ALDH1A2: variants seen among roughly 807,000 people sequenced by gnomAD.
ALDH1A2 encodes the protein aldehyde dehydrogenase 1 family member A2, also known as retinal dehydrogenase 2.
Under a neutral mutation model 60.3 loss-of-function variants are expected in ALDH1A2, and 27 were observed. The ratio of observed to expected loss-of-function variants is 0.45; its 90% CI spans 0.33 to 0.62. The LOEUF is 0.62. ALDH1A2 is among the 20% of genes least tolerant of loss of function. ALDH1A2 has a pLI of 0.02. For synonymous variants in ALDH1A2, 289 were observed against 232.4 expected, an observed-to-expected ratio of 1.24 and a Z score of -2.21; for missense variants, 581 against 643.8, an observed-to-expected ratio of 0.90 and a Z score of 1.06.
At chr15:57,956,659 C>A (rs1389899429) in intron 12 of ALDH1A2, among the ~76,000 whole-genome samples, 1 of 152,210 alleles carries the variant, frequency 6.6e-6, no homozygotes, top group East Asian at 1.9e-4. Flanking sequence ...CTCATTAACT[C>A]CACTCAGTCT....
chr15:58,029,571 A>G (rs1192115917), intron 1 of ALDH1A2, among the ~76,000 whole-genome samples: 2 of 112,430 alleles, frequency 1.8e-5, no homozygotes, highest in Non-Finnish European at 3.8e-5. Context: ...AGATAGAGAC[A>G]TAAAAATCCC....
intron 4 of ALDH1A2, among the ~76,000 whole-genome samples, chr15:57,997,444 A>G (rs895721470): frequency 5.3e-5 from 8 of 151,998 alleles, no homozygotes; most frequent in African/African-American, 1.7e-4. Flanking sequence ...AGAATCAGAG[A>G]GTAATGTCAA....
At chr15:58,048,228 G>A (rs1896681594) in intron 1 of ALDH1A2, among the ~76,000 whole-genome samples, 1 of 152,074 alleles carries the variant, frequency 6.6e-6, no homozygotes, top group Non-Finnish European at 1.5e-5. Flanking sequence ...CTAATAGAAA[G>A]TGATTGTGCC....
At chr15:57,956,239 C>T (rs1362443545) in intron 12 of ALDH1A2, among the ~76,000 whole-genome samples, 4 of 152,154 alleles carry the variant, frequency 2.6e-5, no homozygotes, top group South Asian at 2.1e-4. Flanking sequence ...GGAGGAAGGG[C>T]GAGCTTCCTA....
intron 1 of ALDH1A2, among the ~76,000 whole-genome samples, chr15:58,061,347 T>C (rs1897027832): frequency 1.3e-5 from 2 of 151,612 alleles, no homozygotes; most frequent in South Asian, 2.1e-4. Context: ...AAACAGACAA[T>C]CTTAAGTAAA....
intron 7 of ALDH1A2, chr15:57,980,365 A>G (rs1006646108): frequency 2.6e-6 from 1 of 380,944 alleles, no homozygotes; most frequent in Non-Finnish European, 5.3e-6. Context: ...AGCTGACTAC[A>G]GCCTTGATGA....
At chr15:58,033,061 A>T (rs762746608) in intron 1 of ALDH1A2, among the ~76,000 whole-genome samples, 1 of 151,994 alleles carries the variant, frequency 6.6e-6, no homozygotes, top group East Asian at 1.9e-4. Context: ...AGGTTAAAGG[A>T]TACCTATAGT....
intron 7 of ALDH1A2, among the ~76,000 whole-genome samples, chr15:57,977,454 T>C (rs1894302751): frequency 6.6e-6 from 1 of 152,244 alleles, no homozygotes; most frequent in South Asian, 2.1e-4. Flanking sequence ...TACTGTTTTC[T>C]GGATATGGCT....
chr15:58,040,485 A>C (rs1371703827), intron 1 of ALDH1A2, among the ~76,000 whole-genome samples: 1 of 151,844 alleles, frequency 6.6e-6, no homozygotes, highest in Non-Finnish European at 1.5e-5. Flanking sequence ...GTGAACTTTC[A>C]CCATTTCATT....
chr15:57,957,228 G>A (rs572607522), intron 12 of ALDH1A2, among the ~76,000 whole-genome samples: 107 of 152,242 alleles, frequency 7.0e-4, no homozygotes, highest in African/African-American at 2.5e-3. Context: ...CTGAGTCACT[G>A]TCATCCTCTT....
Position 57,970,505 on chromosome 15 carries a change from T to C in ALDH1A2, c.799-4678A>G, listed in dbSNP as rs531946672. 9.2e-5 allele frequency among the ~76,000 whole-genome samples: 14 copies of C among 152,308 alleles called. No individual in the cohort carries two copies. The South Asian group carries it at 2.9e-3, about 32-fold the overall frequency. ...AATCATGTTCACAGCAATGCGGCAA[T>C]GTAGGGGAAAGCAATTTGGGGCTTT... On this transcript the variant is annotated intron_variant, in intron 7 of 12. Transcript: ENST00000249750.
In ALDH1A2 at chr15:58,055,027, G is replaced by T. The variant is rs1369542349; in HGVS notation, c.117+10507C>A. On this transcript the variant is annotated intron_variant, in intron 1 of 12. Transcript: ENST00000249750. ...ATCTGAATGAAATATGGGATTTGTA[G>T]TTGAGGAACTGGGCTTGGGGTTTCC... Among the ~76,000 whole-genome samples the T allele has an allele frequency of 3.9e-5, 6 of 152,190 alleles. No homozygotes were observed. In the East Asian group the frequency reaches 1.2e-3, roughly 29 times the overall value.
At chr15:58,031,246 C>A (rs1202852367) in intron 1 of ALDH1A2, among the ~76,000 whole-genome samples, 1 of 152,080 alleles carries the variant, frequency 6.6e-6, no homozygotes, top group Admixed American at 6.5e-5. Flanking sequence ...ACAAACCTGA[C>A]AAAAACAAGA....
At position 58,010,914 on chromosome 15, in the gene ALDH1A2, T is replaced by G. The variant is rs904010268; in HGVS notation, c.364-136A>C. On this transcript the variant is annotated intron_variant, in intron 3 of 12. Coordinates refer to ENST00000249750, the MANE Select transcript of ALDH1A2 (RefSeq NM_003888.4). ...TGCATACCTGGTCAACTATGAATTC[T>G]CAAATAAAAAGATTTCTAGTACTGC... is the stretch of plus-strand genomic sequence containing the variant. 4.3e-5 allele frequency: 51 copies of G among 1,197,502 alleles called. No individual in the cohort carries two copies. The African/African-American group carries it at 7.1e-4, about 17-fold the overall frequency. 74.2% of individuals were successfully genotyped at this position (1,197,502 alleles called of 1,614,324 possible). A position where few individuals can be genotyped will look rare whatever the true frequency, so the allele number is the denominator to read the frequency against.
intron 12 of ALDH1A2, among the ~76,000 whole-genome samples, chr15:57,959,884 G>A (rs1390483912): frequency 6.6e-6 from 1 of 151,954 alleles, no homozygotes; most frequent in Admixed American, 6.6e-5. Context: ...TTGGTTCACT[G>A]CATTTCTCCC....
chr15:57,990,537 T>C (rs1302854141), intron 7 of ALDH1A2: 2 of 152,124 alleles, frequency 1.3e-5, no homozygotes, highest in South Asian at 4.2e-4. Flanking sequence ...TGACAAGGTG[T>C]TATCTCTTGT....
intron 8 of ALDH1A2, chr15:57,964,798 G>C (rs1423139507): frequency 6.6e-6 from 1 of 152,254 alleles, no homozygotes; most frequent in Non-Finnish European, 1.5e-5. Flanking sequence ...CCGACTGACT[G>C]AATAAATGAA....
intron 1 of ALDH1A2, among the ~76,000 whole-genome samples, chr15:58,033,038 G>A (rs1433888093): frequency 6.6e-6 from 1 of 151,958 alleles, no homozygotes; most frequent in Non-Finnish European, 1.5e-5. Context: ...GAAGGGAGAG[G>A]ATGAAGAGAG....
chr15:58,061,166 A>G (rs1897023373), intron 1 of ALDH1A2, among the ~76,000 whole-genome samples: 3 of 152,204 alleles, frequency 2.0e-5, no homozygotes, highest in Admixed American at 2.0e-4. Flanking sequence ...GGATCAGGGC[A>G]GGACCCCAGG....
Sources: allele counts gnomAD v4.1 joint callset (sites outside exome capture counted in the v4.1 genomes callset), GRCh38; gene constraint gnomAD v4.1.1; transcripts MANE v1.5; gene names NCBI Gene and HGNC (gene_info 2026-07-23, HGNC 2026-07-21).